Variants in TRIM38 observed in about 807,000 individuals in gnomAD.
TRIM38 encodes the protein E3 ubiquitin-protein ligase TRIM38.
TRIM38 carries 35 observed loss-of-function variants against 35.8 expected under a neutral mutation model. That is an observed-to-expected ratio of 0.98 (90% CI 0.75 to 1.30). The LOEUF (loss-of-function observed/expected upper bound fraction) is 1.30. TRIM38 is among the 50% of genes most tolerant of loss of function. The probability of loss-of-function intolerance (pLI) is 0.00; values close to 1 mark genes in which losing one functional copy is unlikely to be tolerated. For missense variants in TRIM38, 545 were observed against 556.9 expected (o/e 0.98, Z 0.21); for synonymous variants, 198 against 204.7 (o/e 0.97, Z 0.28).
chr6:25,970,131 T>A (rs1760185783), intron 4 of TRIM38, among the ~76,000 whole-genome samples: 1 of 152,000 alleles, frequency 6.6e-6, no homozygotes, highest in Non-Finnish European at 1.5e-5. Context: ...TTGGCCAGGA[T>A]GGTCTTGATC....
intron 7 of TRIM38, chr6:25,974,016 A>G (rs1252400455): frequency 4.1e-6 from 1 of 246,134 alleles, no homozygotes; most frequent in Non-Finnish European, 6.5e-6. Flanking sequence ...TATATTAGTT[A>G]TCTATTAGTA....
At position 25,972,018 on chromosome 6, in the gene TRIM38, G is replaced by A. The variant is rs1226528269; in HGVS notation, c.657G>A (p.Leu219=). The change falls in exon 5 of 8, where the codon CTG becomes CTA. Residue 219 remains leucine (L), a synonymous_variant. Transcript: ENST00000357085. The part of the protein sequence containing the change: ...LSRLRDYEAG[L]GLKSNELKSH... Reference sequence around the variant, plus strand: ...GACTGAGGGACTATGAGGCTGGTCTGGGGCTGAAGAGCAATGAACTCAAGA... The same window carrying A: ...GACTGAGGGACTATGAGGCTGGTCTAGGGCTGAAGAGCAATGAACTCAAGA... 6.2e-7 allele frequency: 1 copy of A among 1,614,150 alleles called. No individual in the cohort carries two copies. The highest frequency in any genetic ancestry group is 1.1e-5 in the South Asian group (1 of 91,084).
At chr6:25,973,482 G>A (rs923662023) in intron 7 of TRIM38, 197 bp downstream of exon 7, 3 of 985,186 alleles carry the variant, frequency 3.0e-6, no homozygotes, top group Non-Finnish European at 3.6e-6. Flanking sequence ...GGTTATCTGT[G>A]CAAACCTTTC....
chr6:25,965,118 C>A (rs945314746), intron 2 of TRIM38, among the ~76,000 whole-genome samples: 5 of 152,110 alleles, frequency 3.3e-5, no homozygotes, highest in Non-Finnish European at 5.9e-5. Flanking sequence ...GGCCTGGTAA[C>A]AATTATTCTT....
rs567198600 is a variant in TRIM38, at chr6:25,984,984, A to G, written c.*1297A>G. 1 of 152,496 alleles carries G rather than the reference A, an allele frequency of 6.6e-6. No homozygotes were observed. The highest frequency in any genetic ancestry group is 2.4e-5 in the African/African-American group (1 of 41,588). The allele number at this position is 152,496 out of a possible 1,614,324, so 9.4% of individuals were successfully genotyped here. A position where few individuals can be genotyped will look rare whatever the true frequency, so the allele number is the denominator to read the frequency against. On this transcript the variant is annotated 3_prime_UTR_variant, in exon 8 of 8. Coordinates refer to ENST00000357085, the MANE Select transcript of TRIM38 (RefSeq NM_006355.5). ...TCTCTGCCTAAGGGAGATATAAAAG[A>G]GTTCAAACTATTGCCCATGTTCCCC...
Position 25,983,162 on chromosome 6 carries a change from A to G in TRIM38, c.875-2A>G. 1.3e-6 allele frequency: 2 copies of G among 1,560,248 alleles called. No individual in the cohort carries two copies. The highest frequency in any genetic ancestry group is 1.7e-6 in the Non-Finnish European group (2 of 1,154,436). On this transcript the variant is annotated splice_acceptor_variant, in intron 7 of 7. Transcript: ENST00000357085. LOFTEE classifies it high-confidence loss of function. ...TTTTGTTTGTTTTGTTTTGTTTTGCAGTTAGTGTGACTCTGGATCCAGATA... is the reference window on the plus strand; with the variant it reads ...TTTTGTTTGTTTTGTTTTGTTTTGCGGTTAGTGTGACTCTGGATCCAGATA...
intron 5 of TRIM38, 132 bp from the exon 6 acceptor site, chr6:25,972,922 C>A: frequency 8.9e-6 from 10 of 1,128,792 alleles, no homozygotes; most frequent in Non-Finnish European, 1.1e-5. Flanking sequence ...GAGTATCCAT[C>A]AATATCTAAG....
At chr6:25,978,521 T>C (rs533993976) in intron 7 of TRIM38, among the ~76,000 whole-genome samples, 1 of 152,116 alleles carries the variant, frequency 6.6e-6, no homozygotes, top group African/African-American at 2.4e-5. Context: ...TATATATTTG[T>C]TTTTTCGAGA....
intron 5 of TRIM38, among the ~76,000 whole-genome samples, chr6:25,972,711 T>A (rs1347812978): frequency 6.6e-6 from 1 of 152,202 alleles, no homozygotes; most frequent in Non-Finnish European, 1.5e-5. Flanking sequence ...CTGGGCTCAC[T>A]GTGAAGGAAA....
intron 5 of TRIM38, among the ~76,000 whole-genome samples, chr6:25,972,507 G>T (rs1389230583): frequency 6.6e-6 from 1 of 152,204 alleles, no homozygotes; most frequent in East Asian, 1.9e-4. Context: ...TTATCTGTAG[G>T]AAGATAAACA....
In TRIM38 at chr6:25,985,302, A is replaced by T. The variant is rs1760681336; in HGVS notation, c.*1615A>T. The T allele has an allele frequency of 6.6e-6, 1 of 151,276 alleles. No individual in the cohort carries two copies. The highest frequency in any genetic ancestry group is 1.5e-5 in the Non-Finnish European group (1 of 67,884). 9.4% of individuals were successfully genotyped at this position (151,276 alleles called of 1,614,324 possible). ...GAGAAGTCTTTTTTTTTAAAAAAAA[A>T]AAAAAAAAAAGGGAAAGAAAAAGTT... On this transcript the variant is annotated 3_prime_UTR_variant, in exon 8 of 8. Transcript: ENST00000357085.
chr6:25,965,895 G>A lies in TRIM38; in HGVS notation c.-188-440G>A, dbSNP rs571794795. 4.6e-5 allele frequency among the ~76,000 whole-genome samples: 7 copies of A among 151,682 alleles called. No homozygotes were observed. In the East Asian group the frequency reaches 1.2e-3, roughly 25 times the overall value. ...AGATAGCGTCACTGCACTCCAGCCT[G>A]GGTGACAGAGTGAGACTCCGTCTCA... On this transcript the variant is annotated intron_variant, in intron 2 of 7. Transcript: ENST00000357085.
rs1760715823 is a variant in TRIM38 at position 25,986,666 on chromosome 6, A to G, written c.*2979A>G. On this transcript the variant is annotated 3_prime_UTR_variant, in exon 8 of 8. Coordinates refer to ENST00000357085, the MANE Select transcript of TRIM38 (RefSeq NM_006355.5). ...ATTAAGTTCTATAAAATAGCCCAAA[A>G]TGACAGTGGCTGAAACAAGTTTATT... The G allele has an allele frequency of 1.3e-5, 2 of 152,160 alleles. No individual in the cohort carries two copies. Among genetic ancestry groups the G allele is most frequent in the African/African-American group, 4.8e-5 (2 of 41,442 alleles). 9.4% of individuals were successfully genotyped at this position (152,160 alleles called of 1,614,324 possible).
rs1261510351 is a variant in TRIM38, at chr6:25,990,986, CCCCTCCAAACTGTCATATT to C, written c.*7302_*7320del. ...ATAGAGAATAGAAGAGTCCTTCAGG[CCCCTCCAAACTGTCATATT>C]CCGGGCATCGGGTGTCCCCATCCTC... On this transcript the variant is annotated 3_prime_UTR_variant, in exon 8 of 8. Coordinates refer to ENST00000357085, the MANE Select transcript of TRIM38 (RefSeq NM_006355.5). 6.6e-6 allele frequency: 1 copy of C among 152,164 alleles called. No individual in the cohort carries two copies. Among genetic ancestry groups the C allele is most frequent in the African/African-American group, 2.4e-5 (1 of 41,430 alleles). 9.4% of individuals were successfully genotyped at this position (152,164 alleles called of 1,614,324 possible).
Position 25,971,774 on chromosome 6 carries a change from T to C in TRIM38, c.508-95T>C, listed in dbSNP as rs996496698. ...AATGTCTTCAAGGCTTGTCATGTAG[T>C]AGCGTGTGTCAGACTTTCATTCTTG... On this transcript the variant is annotated intron_variant, in intron 4 of 7. Transcript: ENST00000357085. 7 of 1,038,866 alleles carry C rather than the reference T, an allele frequency of 6.7e-6. No individual in the cohort carries two copies. The African/African-American group carries it at 9.6e-5, about 14-fold the overall frequency. The allele number at this position is 1,038,866 out of a possible 1,614,324, so 64.4% of individuals were successfully genotyped here. A position where few individuals can be genotyped will look rare whatever the true frequency, so the allele number is the denominator to read the frequency against.
At chr6:25,976,592 C>T (rs2113607027) in intron 7 of TRIM38, among the ~76,000 whole-genome samples, 1 of 152,256 alleles carries the variant, frequency 6.6e-6, no homozygotes, top group East Asian at 1.9e-4. Context: ...TAATCCATTG[C>T]CTTGTGGACT....
Position 25,973,239 on chromosome 6 carries a change from T to A in TRIM38, c.828T>A (p.Val276=). The A allele has an allele frequency of 1.2e-6, 2 of 1,614,162 alleles. No individual in the cohort carries two copies. The change falls in exon 7 of 8, where the codon GTT becomes GTA. Residue 276 remains valine, a synonymous_variant. Coordinates refer to ENST00000357085, the MANE Select transcript of TRIM38 (RefSeq NM_006355.5). ...VSLELHTMCN[V]SKLYFDVKKM... The stretch of plus-strand genomic sequence containing the variant: ...TGGAACTTCATACTATGTGCAATGT[T>A]TCCAAGCTTTACTTCGATGTGAAGA...
chr6:25,971,827 T>C, intron 4 of TRIM38, 42 bp from the exon 5 acceptor site: 2 of 1,530,470 alleles, frequency 1.3e-6, no homozygotes, highest in Non-Finnish European at 1.8e-6. Flanking sequence ...AGATGGACAT[T>C]TGGTTTACTT....
rs370985555 is a variant in TRIM38 at position 25,983,221 on chromosome 6, G to A, written c.932G>A (p.Arg311Gln). 15 of 1,613,300 alleles carry A rather than the reference G, an allele frequency of 9.3e-6. No individual in the cohort carries two copies. The highest frequency in any genetic ancestry group is 3.3e-5 in the Admixed American group (2 of 59,912). ...CACGAACTAATTCTCTCTGAGGATC[G>A]GAGACAAGTGACTCGTGGATACACC... ...AHHELILSED[R>Q]RQVTRGYTQE... The change falls in exon 8 of 8, where the codon CGG becomes CAG. Residue 311 changes from arginine to glutamine, a missense_variant. By Grantham distance (43) the Arg-to-Gln change is conservative. Coordinates refer to ENST00000357085, the MANE Select transcript of TRIM38 (RefSeq NM_006355.5).
Sources: allele counts gnomAD v4.1 joint callset (sites outside exome capture counted in the v4.1 genomes callset), GRCh38; gene constraint gnomAD v4.1.1; transcripts MANE v1.5; gene names NCBI Gene and HGNC (gene_info 2026-07-23, HGNC 2026-07-21).